KCNB2: variants seen among roughly 807,000 people sequenced by gnomAD.
KCNB2 encodes the protein potassium voltage-gated channel subfamily B member 2.
In KCNB2, 15 loss-of-function variants were observed where a neutral mutation model predicts 61.5. The observed-to-expected ratio is 0.24, with a 90% CI of 0.16 to 0.38. The LOEUF is 0.38. Among genes scored for constraint, KCNB2 ranks in the 10% least tolerant of loss-of-function variants. The probability of loss-of-function intolerance (pLI) is 1.00; values close to 1 mark genes in which losing one functional copy is unlikely to be tolerated. For synonymous variants in KCNB2, 457 were observed against 446.0 expected (o/e 1.02, Z -0.31); for missense variants, 828 against 1,125.2 (o/e 0.74, Z 3.78).
At chr8:72,763,978 C>T (rs1808424186) in intron 2 of KCNB2, among the ~76,000 whole-genome samples, 1 of 152,056 alleles carries the variant, frequency 6.6e-6, no homozygotes, top group Non-Finnish European at 1.5e-5. Context: ...ACAGCAGAGA[C>T]CTTGTCTTGT....
intron 2 of KCNB2, among the ~76,000 whole-genome samples, chr8:72,820,058 T>A (rs187859302): frequency 3.4e-4 from 52 of 152,088 alleles, no homozygotes; most frequent in Admixed American, 3.0e-3. Flanking sequence ...TTCCTTCCCA[T>A]CTCTCCAGAT....
At chr8:72,844,496 T>A (rs1460609790) in intron 2 of KCNB2, among the ~76,000 whole-genome samples, 1 of 152,216 alleles carries the variant, frequency 6.6e-6, no homozygotes, top group Non-Finnish European at 1.5e-5. Flanking sequence ...TCTTGCTAGG[T>A]TGGGGAAGTT....
At chr8:72,734,663 C>T (rs917654644) in intron 2 of KCNB2, among the ~76,000 whole-genome samples, 3 of 152,088 alleles carry the variant, frequency 2.0e-5, no homozygotes, top group Non-Finnish European at 2.9e-5. Flanking sequence ...TTGCCATGCC[C>T]CCTGAATGTC....
intron 2 of KCNB2, among the ~76,000 whole-genome samples, chr8:72,616,955 C>T (rs1805629043): frequency 6.6e-6 from 1 of 152,182 alleles, no homozygotes; most frequent in Non-Finnish European, 1.5e-5. Context: ...CATTGCTTAA[C>T]TAAATGGCTT....
chr8:72,728,263 T>A lies in KCNB2; in HGVS notation c.579+159950T>A, dbSNP rs548643481. Among the ~76,000 whole-genome samples, 3 of 152,304 alleles carry A rather than the reference T, an allele frequency of 2.0e-5. No individual in the cohort carries two copies. The South Asian group carries it at 6.2e-4, about 32-fold the overall frequency. On this transcript the variant is annotated intron_variant, in intron 2 of 2. Coordinates refer to ENST00000523207, the MANE Select transcript of KCNB2 (RefSeq NM_004770.3). ...ATGTATTGTTGACTAAATATTCGGG[T>A]CAAATATCTGTATTATTTATAATGC...
chr8:72,612,013 G>A (rs953979130), intron 2 of KCNB2, among the ~76,000 whole-genome samples: 2 of 152,016 alleles, frequency 1.3e-5, no homozygotes, highest in African/African-American at 2.4e-5. Flanking sequence ...ATGCCAGCTC[G>A]CTCACTCTTG....
At chr8:72,818,647 A>G (rs1809444160) in intron 2 of KCNB2, among the ~76,000 whole-genome samples, 1 of 152,102 alleles carries the variant, frequency 6.6e-6, no homozygotes, top group African/African-American at 2.4e-5. Context: ...TAGTTAAGAG[A>G]CCATCTAGTT....
chr8:72,867,878 A>G (rs1448859213), intron 2 of KCNB2, among the ~76,000 whole-genome samples: 1 of 152,122 alleles, frequency 6.6e-6, no homozygotes. Flanking sequence ...CTCGCTGTAG[A>G]TAGATTCCAA....
intron 2 of KCNB2, among the ~76,000 whole-genome samples, chr8:72,929,805 T>A (rs1426126036): frequency 6.6e-6 from 1 of 152,184 alleles, no homozygotes; most frequent in Non-Finnish European, 1.5e-5. Context: ...TTTATTTCTT[T>A]TTTTATTATT....
At chr8:72,721,067 A>G (rs1807540099) in intron 2 of KCNB2, among the ~76,000 whole-genome samples, 1 of 152,238 alleles carries the variant, frequency 6.6e-6, no homozygotes, top group Admixed American at 6.5e-5. Flanking sequence ...AAGAACTCCA[A>G]ATCTGGACTT....
chr8:72,901,311 C>A (rs1441470199), intron 2 of KCNB2, among the ~76,000 whole-genome samples: 3 of 152,038 alleles, frequency 2.0e-5, no homozygotes, highest in African/African-American at 7.2e-5. Flanking sequence ...CAGTGACTGG[C>A]AAGAAACAGT....
chr8:72,660,660 G>T (rs746449030), intron 2 of KCNB2: 2 of 152,178 alleles, frequency 1.3e-5, no homozygotes, highest in African/African-American at 2.4e-5. Flanking sequence ...TCTTTCATGG[G>T]AAATAGCTGG....
At chr8:72,637,691 T>C (rs919167023) in intron 2 of KCNB2, among the ~76,000 whole-genome samples, 21 of 152,138 alleles carry the variant, frequency 1.4e-4, no homozygotes, top group African/African-American at 4.3e-4. Context: ...TCTTCTCTCA[T>C]ATCCCTTCCA....
intron 2 of KCNB2, among the ~76,000 whole-genome samples, chr8:72,698,272 A>G (rs1360058726): frequency 6.6e-6 from 1 of 151,024 alleles, no homozygotes; most frequent in African/African-American, 2.4e-5. Context: ...TAATAGCCAC[A>G]CACACACACA....
At chr8:72,862,122 A>G (rs10098312) in intron 2 of KCNB2, among the ~76,000 whole-genome samples, 22,953 of 152,132 alleles carry the variant, frequency 0.15, 2,366 homozygotes, top group African/African-American at 0.29. Flanking sequence ...ACAGAGCAAG[A>G]CTGTCTCAAA....
intron 2 of KCNB2, among the ~76,000 whole-genome samples, chr8:72,824,381 T>A (rs1809563073): frequency 6.6e-6 from 1 of 152,082 alleles, no homozygotes; most frequent in Non-Finnish European, 1.5e-5. Flanking sequence ...GGAGGATCCC[T>A]GCTGGGTTCT....
At chr8:72,882,999 A>G (rs1025196666) in intron 2 of KCNB2, among the ~76,000 whole-genome samples, 4 of 151,730 alleles carry the variant, frequency 2.6e-5, no homozygotes, top group African/African-American at 9.7e-5. Flanking sequence ...CTTCCCCTCC[A>G]TTCCCGGGGC....
At chr8:72,655,157 G>A (rs111448709) in intron 2 of KCNB2, among the ~76,000 whole-genome samples, 2 of 152,120 alleles carry the variant, frequency 1.3e-5, no homozygotes, top group African/African-American at 4.8e-5. Context: ...AACATGGATG[G>A]AGCTGGAGGC....
intron 2 of KCNB2, among the ~76,000 whole-genome samples, chr8:72,588,609 G>C (rs116726777): frequency 0.014 from 2,118 of 152,088 alleles, 42 homozygotes; most frequent in African/African-American, 0.049. Flanking sequence ...AAGAAACATG[G>C]CCTGTCAGGC....
Sources: allele counts gnomAD v4.1 joint callset (sites outside exome capture counted in the v4.1 genomes callset), GRCh38; gene constraint gnomAD v4.1.1; transcripts MANE v1.5; gene names NCBI Gene and HGNC (gene_info 2026-07-23, HGNC 2026-07-21).